CSNK2A2IP: variants seen among roughly 807,000 people sequenced by gnomAD.
CSNK2A2IP encodes casein kinase II subunit alpha'-interacting protein.
the CSNK2A2IP span, among the ~76,000 whole-genome samples, chr3:88,368,652 A>C: frequency 6.6e-6 from 1 of 152,086 alleles, no homozygotes; most frequent in Non-Finnish European, 1.5e-5. Flanking sequence ...TCATATAACT[A>C]GAACTGCAAA....
chr3:88,393,575 C>A, the CSNK2A2IP span, among the ~76,000 whole-genome samples: 5 of 152,072 alleles, frequency 3.3e-5, no homozygotes, highest in African/African-American at 9.7e-5. Flanking sequence ...ATAGATTCAA[C>A]AATATTTTAA....
the CSNK2A2IP span, among the ~76,000 whole-genome samples, chr3:88,396,262 C>G: frequency 6.6e-6 from 1 of 151,648 alleles, no homozygotes; most frequent in Non-Finnish European, 1.5e-5. Context: ...CCCGCCACCT[C>G]GCCCGGCTAA....
the CSNK2A2IP span, among the ~76,000 whole-genome samples, chr3:88,427,852 G>A: frequency 6.6e-6 from 1 of 152,168 alleles, no homozygotes; most frequent in African/African-American, 2.4e-5. Context: ...AGTGCAGAAG[G>A]GAAATCTGGG....
the CSNK2A2IP span, among the ~76,000 whole-genome samples, chr3:88,461,758 G>A: frequency 6.6e-6 from 1 of 151,826 alleles, no homozygotes; most frequent in African/African-American, 2.4e-5. Context: ...GTTTAAATAT[G>A]CACTTTATTG....
At chr3:88,379,935 C>A in the CSNK2A2IP span, among the ~76,000 whole-genome samples, 1 of 152,034 alleles carries the variant, frequency 6.6e-6, no homozygotes, top group Admixed American at 6.6e-5. Context: ...TTCTCGTCAT[C>A]TAATTTAATG....
the CSNK2A2IP span, among the ~76,000 whole-genome samples, chr3:88,414,069 A>T: frequency 6.6e-6 from 1 of 151,582 alleles, no homozygotes; most frequent in African/African-American, 2.4e-5. Context: ...CATTTTCTTT[A>T]GTACAATATT....
the CSNK2A2IP span, chr3:88,466,032 A>T: frequency 8.1e-7 from 1 of 1,231,658 alleles, no homozygotes. Flanking sequence ...AAACATCCTC[A>T]TTGGACTACC....
the CSNK2A2IP span, among the ~76,000 whole-genome samples, chr3:88,415,011 TA>T: frequency 2.6e-5 from 4 of 151,222 alleles, no homozygotes; most frequent in African/African-American, 4.9e-5. Flanking sequence ...GACAGTAATG[TA>T]AAAAAAACCC....
At chr3:88,421,343 C>T in the CSNK2A2IP span, among the ~76,000 whole-genome samples, 2,690 of 152,254 alleles carry the variant, frequency 0.018, 41 homozygotes, top group Middle Eastern at 0.044. Flanking sequence ...GCAGCACTGC[C>T]TCCCATATGC....
At chr3:88,339,679 A>T in the CSNK2A2IP span, among the ~76,000 whole-genome samples, 2 of 152,230 alleles carry the variant, frequency 1.3e-5, no homozygotes, top group East Asian at 3.9e-4. Context: ...TGGGACAGGA[A>T]AAGAATTCTG....
At chr3:88,367,327 G>A in the CSNK2A2IP span, among the ~76,000 whole-genome samples, 3 of 151,998 alleles carry the variant, frequency 2.0e-5, no homozygotes, top group Non-Finnish European at 4.4e-5. Context: ...TATGTATGAG[G>A]GCACTGGTTA....
chr3:88,441,910 A>C, the CSNK2A2IP span, among the ~76,000 whole-genome samples: 1 of 152,180 alleles, frequency 6.6e-6, no homozygotes, highest in Non-Finnish European at 1.5e-5. Context: ...AATATGATAG[A>C]GATCTGGTGA....
chr3:88,445,091 T>C, the CSNK2A2IP span, among the ~76,000 whole-genome samples: 1 of 151,954 alleles, frequency 6.6e-6, no homozygotes, highest in Non-Finnish European at 1.5e-5. Flanking sequence ...GCTGTTAAAT[T>C]GTGACTTCAT....
At chr3:88,363,496 T>C in the CSNK2A2IP span, among the ~76,000 whole-genome samples, 14 of 152,282 alleles carry the variant, frequency 9.2e-5, no homozygotes, top group East Asian at 2.7e-3. Context: ...ATTAATTGTG[T>C]TATTTTGGGG....
chr3:88,390,185 A>G, the CSNK2A2IP span, among the ~76,000 whole-genome samples: 49 of 152,270 alleles, frequency 3.2e-4, no homozygotes, highest in African/African-American at 1.1e-3. Context: ...ATAAGCTCAA[A>G]ATTGTTACAA....
At chr3:88,417,719 G>A in the CSNK2A2IP span, among the ~76,000 whole-genome samples, 1 of 152,152 alleles carries the variant, frequency 6.6e-6, no homozygotes, top group Non-Finnish European at 1.5e-5. Flanking sequence ...ACTGTCAACT[G>A]TAGGTCCTGG....
the CSNK2A2IP span, among the ~76,000 whole-genome samples, chr3:88,461,403 A>G: frequency 6.6e-6 from 1 of 151,910 alleles, no homozygotes; most frequent in African/African-American, 2.4e-5. Context: ...AATACAAAAA[A>G]TTAGCCGGGC....
the CSNK2A2IP span, among the ~76,000 whole-genome samples, chr3:88,418,473 C>T: frequency 4.0e-5 from 6 of 150,948 alleles, no homozygotes; most frequent in Admixed American, 6.6e-5. Context: ...TGCGCGCGGG[C>T]GTGTGTTCTC....
At chr3:88,382,045 G>A in the CSNK2A2IP span, among the ~76,000 whole-genome samples, 1 of 152,128 alleles carries the variant, frequency 6.6e-6, no homozygotes, top group Admixed American at 6.5e-5. Context: ...TTTACTGTAG[G>A]CGTATTCTTT....
Sources: allele counts gnomAD v4.1 joint callset (sites outside exome capture counted in the v4.1 genomes callset), GRCh38; gene constraint gnomAD v4.1.1; transcripts MANE v1.5; gene names NCBI Gene and HGNC (gene_info 2026-07-23, HGNC 2026-07-21).